Variants in C1QTNF5 observed in about 807,000 individuals in gnomAD.
C1QTNF5 encodes complement C1q tumor necrosis factor-related protein 5.
In C1QTNF5, 5 loss-of-function variants were observed where a neutral mutation model predicts 10.9. That is an observed-to-expected ratio of 0.46 (90% confidence interval 0.24 to 0.97). The LOEUF is 0.97. Among genes scored for constraint, C1QTNF5 ranks in the 50% least tolerant of loss-of-function variants. C1QTNF5 has a pLI of 0.19. For synonymous variants in C1QTNF5, 161 were observed against 156.5 expected, an observed-to-expected ratio of 1.03 and a Z score of -0.22; for missense variants, 281 against 339.4, an observed-to-expected ratio of 0.83 and a Z score of 1.35.
chr11:119,341,481 C>G, upstream of C1QTNF5: 1 of 1,344,960 alleles, frequency 7.4e-7, no homozygotes, highest in African/African-American at 1.4e-5. Context: ...TTCCTTTGTT[C>G]CCCTGCGTGC....
chr11:119,344,378 A>G (rs1368632305), upstream of C1QTNF5: 1 of 1,613,822 alleles, frequency 6.2e-7, no homozygotes, highest in East Asian at 2.2e-5. Flanking sequence ...GGCCAGTCAG[A>G]TTCCCCCCAC....
rs1024878489 is a variant in C1QTNF5 at position 119,339,917 on chromosome 11, A to C, written c.215-69T>G. 16 of 1,422,018 alleles carry C rather than the reference A, an allele frequency of 1.1e-5. No homozygotes were observed. The African/African-American group carries it at 2.2e-4, about 20-fold the overall frequency. 88.1% of individuals were successfully genotyped at this position (1,422,018 alleles called of 1,614,324 possible). A position where few individuals can be genotyped will look rare whatever the true frequency, so the allele number is the denominator to read the frequency against. ...AGCCCGCAGCGGGGCGGCGACTCTAAGGTCACCGTACCCCTCCCCGCCCCT... is the reference window on the plus strand; with the variant it reads ...AGCCCGCAGCGGGGCGGCGACTCTACGGTCACCGTACCCCTCCCCGCCCCT... On this transcript the variant is annotated intron_variant, in intron 2 of 2. Coordinates refer to ENST00000528368, the MANE Select transcript of C1QTNF5 (RefSeq NM_001278431.2). This position sits in a 1 kb window ranked among gnomAD's most constrained non-coding sequence, Gnocchi z 5.4.
At chr11:119,345,405 G>T (rs1410233881), upstream of C1QTNF5, 1 of 1,612,722 alleles carries the variant, frequency 6.2e-7, no homozygotes, top group South Asian at 1.1e-5. Flanking sequence ...ATGTCCTGGG[G>T]ACAGAGGGAC....
upstream of C1QTNF5, chr11:119,342,912 C>T (rs1950517644): frequency 6.2e-7 from 1 of 1,612,930 alleles, no homozygotes; most frequent in African/African-American, 1.3e-5. Flanking sequence ...GCTGAGAAGC[C>T]TCCACTGCTG....
At position 119,340,338 on chromosome 11, in the gene C1QTNF5, G is replaced by C. The variant is rs1427104534; in HGVS notation, c.60C>G (p.Asp20Glu). The C allele has an allele frequency of 1.3e-6, 2 of 1,543,588 alleles. No homozygotes were observed. The highest frequency in any genetic ancestry group is 1.7e-6 in the Non-Finnish European group (2 of 1,145,302). The change falls in exon 2 of 3, where the codon GAC becomes GAG. Residue 20 changes from aspartate (D) to glutamate (E), a missense_variant. Asp to Glu is a conservative substitution (Grantham distance 45, BLOSUM62 2). Transcript: ENST00000528368. Reference sequence around the variant, plus strand: ...GGCAGAGGCTGGGGATCTTGTTGTCGTCCAGTGGGGGCGAGCCGGCCGCCA... The same window carrying C: ...GGCAGAGGCTGGGGATCTTGTTGTCCTCCAGTGGGGGCGAGCCGGCCGCCA... ...LGLAAGSPPL[D>E]DNKIPSLCPG...
chr11:119,345,654 G>C, upstream of C1QTNF5: 1 of 1,613,258 alleles, frequency 6.2e-7, no homozygotes, highest in Non-Finnish European at 8.5e-7. Flanking sequence ...GGAGGTTAGA[G>C]TTCAGAGGTC....
At chr11:119,342,771 AC>A, upstream of C1QTNF5, 1 of 1,612,060 alleles carries the variant, frequency 6.2e-7, no homozygotes, top group African/African-American at 1.3e-5. Context: ...ACATACCTAC[AC>A]CCCCAGTACC....
chr11:119,344,985 G>A (rs755918659), upstream of C1QTNF5: 3 of 1,606,734 alleles, frequency 1.9e-6, no homozygotes, highest in Non-Finnish European at 2.5e-6. Context: ...AGCGTGGGGG[G>A]AGGCACCCTT....
At chr11:119,346,091 G>C in the C1QTNF5 span, 1 of 1,609,612 alleles carries the variant, frequency 6.2e-7, no homozygotes, top group South Asian at 1.1e-5. Context: ...AGGAGGAGCA[G>C]GCTGGAGAGC....
At position 119,340,164 on chromosome 11, in the gene C1QTNF5, C is replaced by G. The variant is rs536409530; in HGVS notation, c.214+20G>C. On this transcript the variant is annotated intron_variant, in intron 2 of 2. Coordinates refer to ENST00000528368, the MANE Select transcript of C1QTNF5 (RefSeq NM_001278431.2). ...CCTGCTCGGACATCGCCACCGATAGCCGCGGCGGTGCCTTCTTACCCGGCC... is the reference window on the plus strand; with the variant it reads ...CCTGCTCGGACATCGCCACCGATAGGCGCGGCGGTGCCTTCTTACCCGGCC... The G allele has an allele frequency of 2.0e-6, 3 of 1,508,818 alleles. No individual in the cohort carries two copies. The South Asian group carries it at 3.8e-5, about 19-fold the overall frequency. The allele number at this position is 1,508,818 out of a possible 1,614,324, so 93.5% of individuals were successfully genotyped here. A position where few individuals can be genotyped will look rare whatever the true frequency, so the allele number is the denominator to read the frequency against.
chr11:119,340,011 G>T (rs940858657), intron 2 of C1QTNF5, among the ~76,000 whole-genome samples, 163 bp from the exon 3 acceptor site: 4 of 152,148 alleles, frequency 2.6e-5, no homozygotes, highest in Non-Finnish European at 5.9e-5. Flanking sequence ...GGGCAGATCT[G>T]GGGGGCTGGC....
upstream of C1QTNF5, chr11:119,342,902 G>A (rs950121355): frequency 2.5e-6 from 4 of 1,612,898 alleles, no homozygotes; most frequent in African/African-American, 2.7e-5. Context: ...CAGGTAGGTG[G>A]CTGAGAAGCC....
At chr11:119,344,638 A>C, upstream of C1QTNF5, 2 of 1,614,014 alleles carry the variant, frequency 1.2e-6, no homozygotes, top group Middle Eastern at 1.7e-4. Flanking sequence ...GTACCCGAGA[A>C]CTTGGCACTG....
chr11:119,345,794 C>G (rs3814762), upstream of C1QTNF5: 1 of 1,613,430 alleles, frequency 6.2e-7, no homozygotes, highest in African/African-American at 1.3e-5. Flanking sequence ...GAGGGGCTCA[C>G]GCCTGACTCC....
rs751346951 is a variant in C1QTNF5 at position 119,339,757 on chromosome 11, C to T, written c.306G>A (p.Pro102=). 6.3e-6 allele frequency: 10 copies of T among 1,588,538 alleles called. No individual in the cohort carries two copies. The highest frequency in any genetic ancestry group is 2.2e-5 in the South Asian group (2 of 89,716). The part of the protein sequence containing the change: ...TGPAGECSVP[P]RSAFSAKRSE... ...AGCGCTTGGCGCTGAAGGCGGATCG[C>T]GGAGGCACCGAGCACTCCCCGGCAG... is the stretch of plus-strand genomic sequence containing the variant. The change falls in exon 3 of 3, where the codon CCG becomes CCA. Residue 102 remains proline, a synonymous_variant. Transcript: ENST00000528368. This position sits in a 1 kb window ranked among gnomAD's most constrained non-coding sequence, Gnocchi z 5.4.
chr11:119,343,764 G>C, upstream of C1QTNF5: 1 of 1,609,488 alleles, frequency 6.2e-7, no homozygotes. Context: ...GAAGCCGGGG[G>C]TGGCAGACAG....
upstream of C1QTNF5, chr11:119,345,909 T>C (rs780377456): frequency 1.2e-6 from 2 of 1,613,520 alleles, no homozygotes; most frequent in South Asian, 1.1e-5. Flanking sequence ...ACGCCCCAGA[T>C]GGGGGTGCAG....
the C1QTNF5 span, chr11:119,346,034 C>T: frequency 1.9e-6 from 3 of 1,612,068 alleles, no homozygotes; most frequent in Admixed American, 3.4e-5. Flanking sequence ...CAAGCTGTCC[C>T]CGGGTACTTA....
chr11:119,345,319 A>G (rs1950550717), upstream of C1QTNF5: 5 of 1,264,060 alleles, frequency 4.0e-6, no homozygotes, highest in South Asian at 2.5e-5. Flanking sequence ...TAGTCTCTCA[A>G]TTTCTTCCTC....
Sources: allele counts gnomAD v4.1 joint callset (sites outside exome capture counted in the v4.1 genomes callset), GRCh38; gene constraint gnomAD v4.1.1; non-coding constraint Gnocchi (gnomAD v3.1); transcripts MANE v1.5; gene names NCBI Gene and HGNC (gene_info 2026-07-23, HGNC 2026-07-21).